SCAPER: variants seen among roughly 807,000 people sequenced by gnomAD.
SCAPER encodes S-phase cyclin A associated protein in the ER.
In SCAPER, 98 loss-of-function variants were observed where a neutral mutation model predicts 182.2. That is an observed-to-expected ratio of 0.54 (90% confidence interval 0.46 to 0.64). The LOEUF (loss-of-function observed/expected upper bound fraction) is 0.64. Among genes scored for constraint, SCAPER ranks in the 30% least tolerant of loss-of-function variants. The probability of loss-of-function intolerance (pLI) is 0.00; values close to 1 mark genes in which losing one functional copy is unlikely to be tolerated. For missense variants in SCAPER, 1,432 were observed against 1,690.0 expected (o/e 0.85, Z 2.68); for synonymous variants, 605 against 564.6 (o/e 1.07, Z -1.01).
chr15:76,426,745 C>T (rs1210449389), intron 26 of SCAPER, among the ~76,000 whole-genome samples: 1 of 152,064 alleles, frequency 6.6e-6, no homozygotes, highest in African/African-American at 2.4e-5. Context: ...AAACAAAACA[C>T]AGCCTGAATA....
At chr15:76,679,386 A>G (rs1400069507) in intron 20 of SCAPER, among the ~76,000 whole-genome samples, 1 of 152,222 alleles carries the variant, frequency 6.6e-6, no homozygotes, top group Non-Finnish European at 1.5e-5. Context: ...AAATTTGAGA[A>G]AATCTGAAAA....
rs1398310630 is a variant in SCAPER at position 76,774,894 on chromosome 15, T to C, written c.996A>G (p.Ser332=). The change falls in exon 9 of 32, where the codon TCA becomes TCG. Residue 332 remains serine, a synonymous_variant. Coordinates refer to ENST00000563290, the MANE Select transcript of SCAPER (RefSeq NM_020843.4). ...SNTIESHPKD[S]LHSCDHPLAE... ...CAAGAGGATGGTCACAAGAGTGTAA[T>C]GAGTCTTTGGGATGAGATTCTATAG... is the stretch of plus-strand genomic sequence containing the variant. 1 of 1,613,394 alleles carries C rather than the reference T, an allele frequency of 6.2e-7. No homozygotes were observed. The highest frequency in any genetic ancestry group is 8.5e-7 in the Non-Finnish European group (1 of 1,179,676).
Position 76,733,277 on chromosome 15 carries a change from C to T in SCAPER, c.1974G>A (p.Glu658=), listed in dbSNP as rs1836523661. 1 of 1,605,456 alleles carries T rather than the reference C, an allele frequency of 6.2e-7. No individual in the cohort carries two copies. The highest frequency in any genetic ancestry group is 8.5e-7 in the Non-Finnish European group (1 of 1,175,508). The change falls in exon 16 of 32, where the codon GAG becomes GAA. Residue 658 remains glutamate, a synonymous_variant. Coordinates refer to ENST00000563290, the MANE Select transcript of SCAPER (RefSeq NM_020843.4). The stretch of plus-strand genomic sequence containing the variant: ...GCTTTTCTTCCTGTCTTCTCTGACG[C>T]TCTTCCTGTAGCTCATTAAGCCTCT... ...YEQRLNELQE[E]RQRRQEEKQA... is the part of the protein sequence containing the mutation.
chr15:76,474,195 G>A (rs2050434805), intron 24 of SCAPER, among the ~76,000 whole-genome samples: 1 of 152,162 alleles, frequency 6.6e-6, no homozygotes, highest in South Asian at 2.1e-4. Flanking sequence ...CCTGACATCT[G>A]AATGTTTCAA....
intron 7 of SCAPER, among the ~76,000 whole-genome samples, chr15:76,798,188 T>C (rs564485549): frequency 6.6e-6 from 1 of 151,964 alleles, no homozygotes. Context: ...GGCAAAACCC[T>C]GTCTCTACCA....
intron 22 of SCAPER, among the ~76,000 whole-genome samples, chr15:76,607,281 AG>A (rs1312381394): frequency 6.6e-6 from 1 of 152,158 alleles, no homozygotes; most frequent in Non-Finnish European, 1.5e-5. Flanking sequence ...TATGAAGCTT[AG>A]TTTGGCTGGA....
At chr15:76,709,252 C>A (rs976912046) in intron 17 of SCAPER, among the ~76,000 whole-genome samples, 2 of 152,122 alleles carry the variant, frequency 1.3e-5, no homozygotes, top group Admixed American at 6.5e-5. Flanking sequence ...CTGCCTCAGC[C>A]TCCCAAGTAG....
In SCAPER at chr15:76,792,970, C is replaced by T. The variant is rs550037719; in HGVS notation, c.772+2310G>A. On this transcript the variant is annotated intron_variant, in intron 8 of 31. Coordinates refer to ENST00000563290, the MANE Select transcript of SCAPER (RefSeq NM_020843.4). The stretch of plus-strand genomic sequence containing the variant: ...TCTTTTTAGCACAGGATTCAGCTAG[C>T]TCACTCCGTATGTTTGTCAGTTACC... Among the ~76,000 whole-genome samples the T allele has an allele frequency of 1.4e-4, 21 of 152,364 alleles. No homozygotes were observed. The South Asian group carries it at 4.1e-3, about 30-fold the overall frequency.
chr15:76,485,849 T>C (rs1379653177), intron 24 of SCAPER, among the ~76,000 whole-genome samples: 1 of 152,148 alleles, frequency 6.6e-6, no homozygotes, highest in Non-Finnish European at 1.5e-5. Context: ...AGACTGAAAC[T>C]GGGCCCCTTC....
At chr15:76,507,069 C>T (rs549037147) in intron 23 of SCAPER, among the ~76,000 whole-genome samples, 2 of 152,240 alleles carry the variant, frequency 1.3e-5, no homozygotes, top group African/African-American at 4.8e-5. Flanking sequence ...TTGTGCCCCC[C>T]TCAAAATTCA....
intron 23 of SCAPER, among the ~76,000 whole-genome samples, chr15:76,543,749 C>T (rs1363082519): frequency 6.6e-6 from 1 of 152,172 alleles, no homozygotes; most frequent in African/African-American, 2.4e-5. Flanking sequence ...GCCATGAATG[C>T]TGTGACCTCC....
rs1598731082 is a variant in SCAPER, at chr15:76,786,313, C to T, written c.772+8967G>A. ...TTGCACTCCAGCCTGGGTGACAGGG[C>T]AAGACTCTGTCTCAAAAAAAAAAAA... On this transcript the variant is annotated intron_variant, in intron 8 of 31. Transcript: ENST00000563290. Among the ~76,000 whole-genome samples the T allele has an allele frequency of 3.0e-5, 3 of 100,148 alleles. No homozygotes were observed. In the South Asian group the frequency reaches 1.1e-3, roughly 36 times the overall value. The allele number at this position is 100,148 out of a possible 152,430, so 65.7% of individuals were successfully genotyped here.
At position 76,849,873 on chromosome 15, in the gene SCAPER, G is replaced by A. The variant is rs147339246; in HGVS notation, c.195+7936C>T. On this transcript the variant is annotated intron_variant, in intron 4 of 31. Coordinates refer to ENST00000563290, the MANE Select transcript of SCAPER (RefSeq NM_020843.4). ...CCCTCAGGAAACTTACAACCATGGC[G>A]GAAGGCAAAGGAGAAACAGGCACCT... is the stretch of plus-strand genomic sequence containing the variant. Among the ~76,000 whole-genome samples, 270 of 152,246 alleles carry A rather than the reference G, an allele frequency of 1.8e-3. 1 individual carries two copies. The highest frequency in any genetic ancestry group is 6.0e-3 in the African/African-American group (251 of 41,544).
Position 76,603,573 on chromosome 15 carries a change from T to TA in SCAPER, c.2711+18190_2711+18191insT, listed in dbSNP as rs1480190525. 3.3e-5 allele frequency among the ~76,000 whole-genome samples: 4 copies of TA among 121,030 alleles called. 1 individual carries two copies. Among genetic ancestry groups the TA allele is most frequent in the Non-Finnish European group, 6.0e-5 (3 of 49,746 alleles). 79.4% of individuals were successfully genotyped at this position (121,030 alleles called of 152,430 possible). ...GTGATGGGATGGCTGGGTCAAATGG[T>TA]TTTCTAGTTCTAGATCCCTGAGGAA... On this transcript the variant is annotated intron_variant, in intron 22 of 31. Coordinates refer to ENST00000563290, the MANE Select transcript of SCAPER (RefSeq NM_020843.4).
chr15:76,581,016 G>A (rs1407079726), intron 22 of SCAPER, among the ~76,000 whole-genome samples: 1 of 152,078 alleles, frequency 6.6e-6, no homozygotes, highest in Non-Finnish European at 1.5e-5. Context: ...GCTACCATGA[G>A]CAACTATATG....
intron 10 of SCAPER, among the ~76,000 whole-genome samples, chr15:76,769,360 G>A (rs568041147): frequency 7.3e-5 from 11 of 150,242 alleles, no homozygotes; most frequent in African/African-American, 2.0e-4. Context: ...GGAGAATGGC[G>A]TGAACCTGGG....
chr15:76,785,621 T>C (rs554201993), intron 8 of SCAPER, among the ~76,000 whole-genome samples: 1 of 152,304 alleles, frequency 6.6e-6, no homozygotes, highest in East Asian at 1.9e-4. Flanking sequence ...AGACTTGGAA[T>C]CAATCTAAAT....
intron 23 of SCAPER, among the ~76,000 whole-genome samples, chr15:76,526,419 G>A (rs1449229244): frequency 6.6e-6 from 1 of 151,960 alleles, no homozygotes; most frequent in South Asian, 2.1e-4. Context: ...TCTTCTCTTT[G>A]ATCTTTTGCA....
In SCAPER at chr15:76,678,409, A is replaced by G. The variant is rs552012626; in HGVS notation, c.2509-12620T>C. On this transcript the variant is annotated intron_variant, in intron 20 of 31. Transcript: ENST00000563290. ...TCCAGTTTTACCAGTTAACTGAAAAATCCATTTTTTTTCCTCACATTTAAA... is the reference window on the plus strand; with the variant it reads ...TCCAGTTTTACCAGTTAACTGAAAAGTCCATTTTTTTTCCTCACATTTAAA... Among the ~76,000 whole-genome samples, 8 of 6,860 alleles carry G rather than the reference A, an allele frequency of 1.2e-3. 1 individual carries two copies. The South Asian group carries it at 0.33, about 286-fold the overall frequency. 4.5% of individuals were successfully genotyped at this position (6,860 alleles called of 152,430 possible).
Sources: allele counts gnomAD v4.1 joint callset (sites outside exome capture counted in the v4.1 genomes callset), GRCh38; gene constraint gnomAD v4.1.1; transcripts MANE v1.5; gene names NCBI Gene and HGNC (gene_info 2026-07-23, HGNC 2026-07-21).